RPS6KA2: variants seen among roughly 807,000 people sequenced by gnomAD.
RPS6KA2 encodes the protein ribosomal protein S6 kinase A2.
Under a neutral mutation model 91.8 loss-of-function variants are expected in RPS6KA2, and 42 were observed. The ratio of observed to expected loss-of-function variants is 0.46; its 90% CI spans 0.36 to 0.59. The LOEUF (loss-of-function observed/expected upper bound fraction) is 0.59. Ranked by LOEUF, RPS6KA2 falls within the 20% of genes least tolerant of loss-of-function variation. The pLI is 0.00. For missense variants in RPS6KA2, 798 were observed against 978.5 expected (o/e 0.82, Z 2.46); for synonymous variants, 414 against 393.6 (o/e 1.05, Z -0.61).
Position 166,508,089 on chromosome 6 carries a change from A to C in RPS6KA2, c.459+114T>G. The C allele has an allele frequency of 4.5e-6, 3 of 662,924 alleles. No individual in the cohort carries two copies. The highest frequency in any genetic ancestry group is 5.4e-6 in the Non-Finnish European group (2 of 367,320). The allele number at this position is 662,924 out of a possible 1,614,324, so 41.1% of individuals were successfully genotyped here. A position where few individuals can be genotyped will look rare whatever the true frequency, so the allele number is the denominator to read the frequency against. ...CACACATGCACACACCCCCACACAC[A>C]CACACGCACTCTCGCACGTGCTCAC... On this transcript the variant is annotated intron_variant, in intron 5 of 20. Transcript: ENST00000265678. The surrounding 1 kb of genome is among the most constrained non-coding windows in gnomAD (Gnocchi z 4.3).
chr6:166,545,162 T>C (rs879529344), intron 1 of RPS6KA2, among the ~76,000 whole-genome samples: 13 of 152,230 alleles, frequency 8.5e-5, no homozygotes, highest in Non-Finnish European at 5.9e-5. Flanking sequence ...AAGGTCTCCA[T>C]TTCAACCCTG....
intron 2 of RPS6KA2, among the ~76,000 whole-genome samples, chr6:166,812,485 C>G (rs1412227417): frequency 1.3e-5 from 2 of 152,196 alleles, no homozygotes; most frequent in African/African-American, 4.8e-5. Flanking sequence ...AGAGGCCTTC[C>G]CAGGGGCTGA....
intron 1 of RPS6KA2, among the ~76,000 whole-genome samples, chr6:166,566,350 AGT>A (rs1784505159): frequency 6.6e-6 from 1 of 152,182 alleles, no homozygotes; most frequent in Non-Finnish European, 1.5e-5. Context: ...AGGCGTAGGC[AGT>A]GTATCAGGCA....
chr6:166,637,485 G>A (rs748526311), intron 2 of RPS6KA2, among the ~76,000 whole-genome samples: 1 of 152,226 alleles, frequency 6.6e-6, no homozygotes, highest in African/African-American at 2.4e-5. Context: ...CAGGTCGGGG[G>A]AGAGGGTGGT....
In RPS6KA2 at chr6:166,508,120, C is replaced by T. The variant is rs1444762245; in HGVS notation, c.459+83G>A. On this transcript the variant is annotated intron_variant, in intron 5 of 20. Transcript: ENST00000265678. This position sits in a 1 kb window ranked among gnomAD's most constrained non-coding sequence, Gnocchi z 4.3. ...GCACTCTCGCACGTGCTCACGTCCTCTCAATGCTCTCCACCCCTCCTCCCC... is the reference window on the plus strand; with the variant it reads ...GCACTCTCGCACGTGCTCACGTCCTTTCAATGCTCTCCACCCCTCCTCCCC... 12 of 871,586 alleles carry T rather than the reference C, an allele frequency of 1.4e-5. No homozygotes were observed. Among genetic ancestry groups the T allele is most frequent in the Non-Finnish European group, 2.1e-5 (11 of 530,214 alleles). 54.0% of individuals were successfully genotyped at this position (871,586 alleles called of 1,614,324 possible).
In RPS6KA2 at chr6:166,841,387, G is replaced by A. The variant is rs1408672824; in HGVS notation, c.123+16813C>T. On this transcript the variant is annotated intron_variant, in intron 2 of 21. Coordinates refer to the RPS6KA2 transcript ENST00000503859. ...CGTGCTTCTTGCCATGCTGAGCCAG[G>A]CAAAGTGCGTGCTGCACCTGCTCTT... Among the ~76,000 whole-genome samples the A allele has an allele frequency of 2.0e-5, 3 of 152,396 alleles. No individual in the cohort carries two copies. In the East Asian group the frequency reaches 5.8e-4, roughly 29 times the overall value.
intron 2 of RPS6KA2, among the ~76,000 whole-genome samples, chr6:166,660,393 CGTGCGTGT>C (rs1162821872): frequency 4.8e-5 from 7 of 144,686 alleles, no homozygotes; most frequent in African/African-American, 1.0e-4. Context: ...TATGGGCATG[CGTGCGTGT>C]GTGTGTGTGT....
intron 2 of RPS6KA2, among the ~76,000 whole-genome samples, chr6:166,777,508 G>T (rs549008333): frequency 1.3e-5 from 2 of 152,280 alleles, no homozygotes; most frequent in South Asian, 4.1e-4. Context: ...TGCACGATGG[G>T]CAGAGGACAC....
intron 2 of RPS6KA2, among the ~76,000 whole-genome samples, chr6:166,788,396 T>C (rs559973353): frequency 4.6e-5 from 7 of 152,342 alleles, no homozygotes; most frequent in African/African-American, 1.4e-4. Context: ...CCTATGTTTA[T>C]TGCAGCACTA....
At chr6:166,656,730 G>A (rs1263792837) in intron 2 of RPS6KA2, among the ~76,000 whole-genome samples, 1 of 152,190 alleles carries the variant, frequency 6.6e-6, no homozygotes, top group Admixed American at 6.5e-5. Flanking sequence ...CTGTGGGAAC[G>A]GCAGGCCAGA....
At chr6:166,416,370 A>C (rs1482280990) in intron 19 of RPS6KA2, among the ~76,000 whole-genome samples, 2 of 148,634 alleles carry the variant, frequency 1.3e-5, no homozygotes, top group Non-Finnish European at 3.0e-5. Context: ...CATCACCTCC[A>C]CTATCATCTC....
chr6:166,752,736 T>C (rs1777886437), intron 2 of RPS6KA2, among the ~76,000 whole-genome samples: 1 of 152,144 alleles, frequency 6.6e-6, no homozygotes, highest in African/African-American at 2.4e-5. Flanking sequence ...CCACCTGCGG[T>C]CCCCACACCA....
chr6:166,496,024 G>T (rs1001077358), intron 8 of RPS6KA2, among the ~76,000 whole-genome samples: 1 of 152,070 alleles, frequency 6.6e-6, no homozygotes, highest in Non-Finnish European at 1.5e-5. Context: ...TTTTCTTTCA[G>T]CTTCTCCATT....
intron 2 of RPS6KA2, among the ~76,000 whole-genome samples, chr6:166,783,547 T>C (rs373917699): frequency 2.6e-5 from 4 of 152,078 alleles, no homozygotes; most frequent in African/African-American, 7.3e-5. Flanking sequence ...GACATAGATA[T>C]ATGCATACAT....
chr6:166,659,717 C>T (rs150846185), intron 2 of RPS6KA2, among the ~76,000 whole-genome samples: 430 of 152,240 alleles, frequency 2.8e-3, no homozygotes, highest in African/African-American at 8.1e-3. Flanking sequence ...GGGTGGGAGC[C>T]AGCGCTGGAC....
intron 15 of RPS6KA2, among the ~76,000 whole-genome samples, chr6:166,430,844 G>A (rs1779102652): frequency 6.6e-6 from 1 of 152,150 alleles, no homozygotes; most frequent in Non-Finnish European, 1.5e-5. Context: ...AGCAGGGACT[G>A]AGTAAGGACA....
rs1023785163 is a variant in RPS6KA2, at chr6:166,767,375, C to T, written c.123+90825G>A. ...CCTCTAACCAAGACCACAAAGGCCG[C>T]GCGGATCAATGTGCTCCAGATCAAT... On this transcript the variant is annotated intron_variant, in intron 2 of 21. Coordinates refer to the RPS6KA2 transcript ENST00000503859. The surrounding 1 kb of genome is among the most constrained non-coding windows in gnomAD (Gnocchi z 4.6). Among the ~76,000 whole-genome samples, 1 of 152,168 alleles carries T rather than the reference C, an allele frequency of 6.6e-6. No individual in the cohort carries two copies. The highest frequency in any genetic ancestry group is 1.5e-5 in the Non-Finnish European group (1 of 68,036).
At position 166,459,501 on chromosome 6, in the gene RPS6KA2, C is replaced by A. The variant is rs368566488; in HGVS notation, c.1023G>T (p.Arg341Ser). ...GGTCAAAGTGGAAGGTGTCCTCAGG[C>A]CTGCCCACTGCTGGTTTGAACGGTG... ...IKPPFKPAVG[R>S]PEDTFHFDPE... Residue 341 changes from arginine to serine, a missense_variant, in exon 12 of 21, where the codon AGG becomes AGT. Transcript: ENST00000265678. The surrounding 1 kb of genome is among the most constrained non-coding windows in gnomAD (Gnocchi z 4.9). 1 of 1,614,102 alleles carries A rather than the reference C, an allele frequency of 6.2e-7. No individual in the cohort carries two copies. Among genetic ancestry groups the A allele is most frequent in the East Asian group, 2.2e-5 (1 of 44,872 alleles).
intron 2 of RPS6KA2, among the ~76,000 whole-genome samples, chr6:166,700,834 G>T (rs559053063): frequency 6.6e-6 from 1 of 152,308 alleles, no homozygotes; most frequent in East Asian, 1.9e-4. Flanking sequence ...ACAAAGGGAA[G>T]TGCAGAGCTC....
Sources: allele counts gnomAD v4.1 joint callset (sites outside exome capture counted in the v4.1 genomes callset), GRCh38; gene constraint gnomAD v4.1.1; non-coding constraint Gnocchi (gnomAD v3.1); transcripts MANE v1.5; gene names NCBI Gene and HGNC (gene_info 2026-07-23, HGNC 2026-07-21).